Variants in IQGAP2 observed in about 807,000 individuals in gnomAD.
The protein encoded by IQGAP2 is ras GTPase-activating-like protein IQGAP2.
A neutral mutation model predicts 201.3 loss-of-function variants in IQGAP2; 173 were observed. The observed-to-expected ratio is 0.86, with a 90% CI of 0.76 to 0.98. The LOEUF (loss-of-function observed/expected upper bound fraction) is 0.98. Among genes scored for constraint, IQGAP2 ranks in the 50% least tolerant of loss-of-function variants. The probability of loss-of-function intolerance (pLI) is 0.00; values close to 1 mark genes in which losing one functional copy is unlikely to be tolerated. For synonymous variants in IQGAP2, 675 were observed against 673.9 expected (o/e 1.00, Z -0.03); for missense variants, 1,687 against 1,864.8 (o/e 0.90, Z 1.76).
At chr5:76,595,697 A>C (rs1746982104) in intron 9 of IQGAP2, among the ~76,000 whole-genome samples, 1 of 151,872 alleles carries the variant, frequency 6.6e-6, no homozygotes, top group African/African-American at 2.4e-5. Context: ...GGAGGTCGAG[A>C]CTGCAGTAAG....
In IQGAP2 at chr5:76,592,540, C is replaced by T. The variant is rs112011892; in HGVS notation, c.820-298C>T. 3.8e-3 allele frequency among the ~76,000 whole-genome samples: 583 copies of T among 151,632 alleles called. 5 individuals carry two copies. The highest frequency in any genetic ancestry group is 0.014 in the African/African-American group (563 of 41,318). On this transcript the variant is annotated intron_variant, in intron 8 of 35. Coordinates refer to ENST00000274364, the MANE Select transcript of IQGAP2 (RefSeq NM_006633.5). The stretch of plus-strand genomic sequence containing the variant: ...ATTAGATCAAATCAAATGAAATTGG[C>T]ACTATTCAACTGTTTTTGATCTAAA...
chr5:76,415,860 C>T (rs1044554114), intron 1 of IQGAP2, among the ~76,000 whole-genome samples: 1 of 151,572 alleles, frequency 6.6e-6, no homozygotes, highest in African/African-American at 2.4e-5. Flanking sequence ...CAAGAGAATC[C>T]CTTGAACCCA....
At chr5:76,602,667 T>C (rs1296651152) in intron 11 of IQGAP2, among the ~76,000 whole-genome samples, 1 of 152,166 alleles carries the variant, frequency 6.6e-6, no homozygotes, top group Non-Finnish European at 1.5e-5. Flanking sequence ...GGTTCTTGTA[T>C]TGACACTTGT....
At chr5:76,533,514 C>T (rs1200728187) in intron 2 of IQGAP2, among the ~76,000 whole-genome samples, 8 of 149,564 alleles carry the variant, frequency 5.3e-5, no homozygotes, top group Non-Finnish European at 1.0e-4. Context: ...TGTTAAAGTC[C>T]TTTGCCCTAT....
chr5:76,418,244 C>T (rs1433348012), intron 1 of IQGAP2, among the ~76,000 whole-genome samples: 1 of 148,360 alleles, frequency 6.7e-6, no homozygotes, highest in African/African-American at 2.5e-5. Flanking sequence ...CTTTCTCCTT[C>T]AACTTGAAAG....
At chr5:76,674,443 T>C (rs1261531878) in intron 26 of IQGAP2, 34 bp from the exon 27 acceptor site, 1 of 1,329,124 alleles carries the variant, frequency 7.5e-7, no homozygotes, top group Admixed American at 2.0e-5. Flanking sequence ...GTTTTCTCTC[T>C]TAAAAATGGT....
rs529258058 is a variant in IQGAP2, at chr5:76,572,603, AT to A, written c.381+1952del. 2.4e-4 allele frequency among the ~76,000 whole-genome samples: 36 copies of A among 150,960 alleles called. No individual in the cohort carries two copies. In the East Asian group the frequency reaches 2.7e-3, roughly 12 times the overall value. Reference sequence around the variant, plus strand: ...CAGGTGGGCACCACCACACCTGGCTATTTTTTGTATTTTTAGTAGAGACAGG... The same window carrying A: ...CAGGTGGGCACCACCACACCTGGCTATTTTTGTATTTTTAGTAGAGACAGG... On this transcript the variant is annotated intron_variant, in intron 4 of 35. Coordinates refer to ENST00000274364, the MANE Select transcript of IQGAP2 (RefSeq NM_006633.5).
intron 1 of IQGAP2, among the ~76,000 whole-genome samples, chr5:76,405,525 G>T (rs1483083167): frequency 6.6e-6 from 1 of 152,154 alleles, no homozygotes; most frequent in South Asian, 2.1e-4. Context: ...AAATATTAAG[G>T]CTTTAATATG....
chr5:76,646,304 A>T lies in IQGAP2; in HGVS notation c.2094+5201A>T, dbSNP rs143374561. Among the ~76,000 whole-genome samples the T allele has an allele frequency of 5.1e-3, 779 of 152,330 alleles. 10 individuals are homozygous for T. Among genetic ancestry groups the T allele is most frequent in the African/African-American group, 0.018 (737 of 41,584 alleles). ...CATCTCAGAATTGTCACACTGTGAC[A>T]AATCCCATGGGGTAGCATTTTCTAA... On this transcript the variant is annotated intron_variant, in intron 17 of 35. Coordinates refer to ENST00000274364, the MANE Select transcript of IQGAP2 (RefSeq NM_006633.5).
At chr5:76,478,874 T>C (rs1755604043) in intron 2 of IQGAP2, among the ~76,000 whole-genome samples, 1 of 152,214 alleles carries the variant, frequency 6.6e-6, no homozygotes, top group Non-Finnish European at 1.5e-5. Context: ...TGCTGCTTCC[T>C]AGGCATCTCT....
At chr5:76,581,186 T>G (rs2150291705) in intron 5 of IQGAP2, among the ~76,000 whole-genome samples, 1 of 152,366 alleles carries the variant, frequency 6.6e-6, no homozygotes, top group South Asian at 2.1e-4. Context: ...GCTGTCTTGC[T>G]TACCAGGTGG....
At position 76,673,553 on chromosome 5, in the gene IQGAP2, T is replaced by C; in HGVS notation, c.3173T>C (p.Val1058Ala). The C allele has an allele frequency of 6.2e-7, 1 of 1,614,046 alleles. No homozygotes were observed. Among genetic ancestry groups the C allele is most frequent in the Non-Finnish European group, 8.5e-7 (1 of 1,179,936 alleles). Reference protein sequence around the residue: ...IENLRRVTDKVLNSIISSLDL... With the variant: ...IENLRRVTDKALNSIISSLDL... ...AACCTGAGAAGGGTCACCGACAAAG[T>C]CCTGAATTCTATCATTTCTTCCCTT... is the stretch of plus-strand genomic sequence containing the variant. The change falls in exon 25 of 36, where the codon GTC (valine) becomes GCC (alanine). Residue 1058 changes from valine to alanine, a missense_variant. Transcript: ENST00000274364.
intron 2 of IQGAP2, among the ~76,000 whole-genome samples, chr5:76,556,153 C>T (rs771903765): frequency 1.3e-5 from 2 of 152,076 alleles, no homozygotes; most frequent in Non-Finnish European, 2.9e-5. Context: ...GTGAATGCCT[C>T]GAGTGTTATA....
At chr5:76,641,825 T>C (rs1751613266) in intron 17 of IQGAP2, among the ~76,000 whole-genome samples, 1 of 152,360 alleles carries the variant, frequency 6.6e-6, no homozygotes, top group African/African-American at 2.4e-5. Context: ...GTTTTTACTT[T>C]GAAGTTTCCT....
chr5:76,573,848 T>C (rs1745288535), intron 4 of IQGAP2, among the ~76,000 whole-genome samples: 1 of 151,596 alleles, frequency 6.6e-6, no homozygotes, highest in African/African-American at 2.4e-5. Context: ...GGTCTTGAAC[T>C]CCTGACCTCA....
intron 2 of IQGAP2, among the ~76,000 whole-genome samples, chr5:76,536,643 C>T (rs923650730): frequency 1.3e-5 from 2 of 151,644 alleles, no homozygotes; most frequent in African/African-American, 4.8e-5. Context: ...CCTGTAATCC[C>T]AGCTACTCTG....
chr5:76,496,544 C>T (rs1184413543), intron 2 of IQGAP2, among the ~76,000 whole-genome samples: 4 of 152,054 alleles, frequency 2.6e-5, no homozygotes, highest in Non-Finnish European at 5.9e-5. Flanking sequence ...AGGCAAATCA[C>T]AGGTTCTGTC....
At chr5:76,534,883 AT>A (rs1162216953) in intron 2 of IQGAP2, among the ~76,000 whole-genome samples, 3 of 152,250 alleles carry the variant, frequency 2.0e-5, no homozygotes, top group Non-Finnish European at 4.4e-5. Context: ...CTTTTAAGAA[AT>A]TAAAACCAAT....
rs185942063 is a variant in IQGAP2 at position 76,484,858 on chromosome 5, G to T, written c.146+23189G>T. Among the ~76,000 whole-genome samples, 512 of 152,140 alleles carry T rather than the reference G, an allele frequency of 3.4e-3. 1 individual carries two copies. The highest frequency in any genetic ancestry group is 0.011 in the African/African-American group (465 of 41,492). On this transcript the variant is annotated intron_variant, in intron 2 of 35. Transcript: ENST00000274364. The stretch of plus-strand genomic sequence containing the variant: ...TTGTTATTGTTGTTGTTGAGACGGG[G>T]TCTCACTCTGTCACCCAGGCTGGAG...
Sources: gnomAD v4.1 joint callset for allele counts (sites outside exome capture counted in the v4.1 genomes callset) on GRCh38, gnomAD v4.1.1 for gene constraint, MANE v1.5 for transcripts, NCBI Gene and HGNC (gene_info 2026-07-23, HGNC 2026-07-21) for gene names.